SCAP: variants seen among roughly 807,000 people sequenced by gnomAD.
SCAP encodes the protein sterol regulatory element-binding protein cleavage-activating protein.
In SCAP, 65 loss-of-function variants were observed where a neutral mutation model predicts 123.6. That is an observed-to-expected ratio of 0.53 (90% CI 0.43 to 0.65). SCAP has a LOEUF of 0.65. SCAP is among the 30% of genes least tolerant of loss of function. The pLI, the probability that SCAP is intolerant of heterozygous loss-of-function variation, is 0.00. For synonymous variants in SCAP, 740 were observed against 726.3 expected (o/e 1.02, Z -0.30); for missense variants, 1,398 against 1,712.5 (o/e 0.82, Z 3.24).
At chr3:47,438,489 C>T (rs1219826741) in intron 2 of SCAP, among the ~76,000 whole-genome samples, 1 of 152,118 alleles carries the variant, frequency 6.6e-6, no homozygotes, top group Admixed American at 6.5e-5. Flanking sequence ...TATTCCTTTA[C>T]TTTTCTAATA....
intron 1 of SCAP, among the ~76,000 whole-genome samples, chr3:47,469,263 G>T (rs564926603): frequency 1.3e-5 from 2 of 152,158 alleles, no homozygotes; most frequent in Non-Finnish European, 2.9e-5. Flanking sequence ...CAGAAGAATC[G>T]CTTGAACCGG....
At position 47,417,152 on chromosome 3, in the gene SCAP, C is replaced by T; in HGVS notation, c.3026G>A (p.Gly1009Asp). The change falls in exon 18 of 23, where the codon GGC becomes GAC. Residue 1009 changes from glycine (G) to aspartate (D), a missense_variant. By Grantham distance (94) the Gly-to-Asp change is moderately conservative. Coordinates refer to ENST00000265565, the MANE Select transcript of SCAP (RefSeq NM_012235.4). ...LCCSSEEVSSGITALVFLDKR... is the reference protein window; with the variant it reads ...LCCSSEEVSSDITALVFLDKR... ...GTCCAAGAACACCAGAGCGGTAATG[C>T]CTGAGGAGACCTCCTCGCTGCTGCA... 1 of 1,613,082 alleles carries T rather than the reference C, an allele frequency of 6.2e-7. No individual in the cohort carries two copies. Among genetic ancestry groups the T allele is most frequent in the Non-Finnish European group, 8.5e-7 (1 of 1,180,016 alleles).
chr3:47,470,627 C>A (rs1707991863), intron 1 of SCAP, among the ~76,000 whole-genome samples: 1 of 152,212 alleles, frequency 6.6e-6, no homozygotes, highest in African/African-American at 2.4e-5. Flanking sequence ...CTTTGGGAGG[C>A]CGAGGCAGGC....
intron 1 of SCAP, 142 bp from the exon 2 acceptor site, chr3:47,443,233 TACACACACACACACACAC>T (rs60723433): frequency 1.3e-4 from 14 of 104,808 alleles, no homozygotes; most frequent in African/African-American, 5.1e-4. Flanking sequence ...AATCCCAAAA[TACACACACACACACACAC>T]ACACACACAC....
At position 47,449,944 on chromosome 3, in the gene SCAP, A is replaced by T. The variant is rs890769369; in HGVS notation, c.-98-6853T>A. ...ATCTTTATCACATCAGAACTCTTAA[A>T]TTTTTTTAATGTGATAATCTTCCTA... On this transcript the variant is annotated intron_variant, in intron 1 of 22. Transcript: ENST00000265565. 9.6e-5 allele frequency among the ~76,000 whole-genome samples: 12 copies of T among 124,768 alleles called. 3 individuals are homozygous for T. The highest frequency in any genetic ancestry group is 3.3e-4 in the African/African-American group (12 of 36,548). The allele number at this position is 124,768 out of a possible 152,430, so 81.9% of individuals were successfully genotyped here. A position where few individuals can be genotyped will look rare whatever the true frequency, so the allele number is the denominator to read the frequency against.
At chr3:47,443,462 C>T (rs77852723) in intron 1 of SCAP, among the ~76,000 whole-genome samples, 9 of 152,052 alleles carry the variant, frequency 5.9e-5, no homozygotes, top group East Asian at 3.9e-4. Flanking sequence ...TTCTTCCCCC[C>T]CCTCCTCTAT....
intron 3 of SCAP, among the ~76,000 whole-genome samples, chr3:47,432,314 G>GAAAAAAAAAAAA (rs11308011): frequency 2.6e-5 from 2 of 75,702 alleles, no homozygotes; most frequent in African/African-American, 1.0e-4. Flanking sequence ...ACTCCGTCTT[G>GAAAAAAAAAAAA]AAAAAAAAAA....
chr3:47,418,626 T>TTTCCCCCCCC, intron 14 of SCAP, 29 bp downstream of exon 14: 1 of 1,459,576 alleles, frequency 6.9e-7, no homozygotes, highest in Non-Finnish European at 9.5e-7. Context: ...CCGCACTCTT[T>TTTCCCCCCCC]CCCACCCCAC....
chr3:47,469,801 G>T, intron 1 of SCAP: 3 of 565,048 alleles, frequency 5.3e-6, no homozygotes, highest in South Asian at 2.9e-5. Context: ...ACAAGGAAGA[G>T]ACTTGCAAGG....
intron 2 of SCAP, among the ~76,000 whole-genome samples, chr3:47,441,557 T>C (rs1706806224): frequency 6.6e-6 from 1 of 152,130 alleles, no homozygotes; most frequent in Non-Finnish European, 1.5e-5. Context: ...GCACTCCAAA[T>C]TCATCACTTA....
At chr3:47,430,207 T>C (rs1360866592) in intron 3 of SCAP, among the ~76,000 whole-genome samples, 4 of 152,114 alleles carry the variant, frequency 2.6e-5, no homozygotes, top group Non-Finnish European at 4.4e-5. Flanking sequence ...GCTCAGGCAT[T>C]GTGCCTGCCT....
intron 1 of SCAP, among the ~76,000 whole-genome samples, chr3:47,473,875 G>C (rs1708163514): frequency 6.6e-6 from 1 of 152,128 alleles, no homozygotes; most frequent in South Asian, 2.1e-4. Context: ...TAATGACAGT[G>C]ACTGAGGGAA....
rs1383374126 is a variant in SCAP at position 47,418,220 on chromosome 3, C to T, written c.2361G>A (p.Met787Ile). The T allele has an allele frequency of 1.9e-5, 30 of 1,570,792 alleles. No individual in the cohort carries two copies. Among genetic ancestry groups the T allele is most frequent in the Non-Finnish European group, 2.5e-5 (29 of 1,158,598 alleles). Reference protein sequence around the residue: ...MDIECLASDGMLLVSCCLAGH... With the variant: ...MDIECLASDGILLVSCCLAGH... ...CTGCCAGGCAGCAGCTCACCAGCAG[C>T]ATGCCGTCGCTGGCCAGGCACTCGA... The change falls in exon 16 of 23, where the codon ATG becomes ATA. Residue 787 changes from methionine (M) to isoleucine (I), a missense_variant. By Grantham distance (10) the Met-to-Ile change is conservative. Transcript: ENST00000265565.
At chr3:47,424,141 G>T in intron 8 of SCAP, 96 bp from the exon 9 acceptor site, 1 of 880,592 alleles carries the variant, frequency 1.1e-6, no homozygotes, top group Non-Finnish European at 1.8e-6. Flanking sequence ...GCCTGTCATG[G>T]GGGCTGCTGA....
At chr3:47,423,287 G>A (rs994364800) in intron 9 of SCAP, among the ~76,000 whole-genome samples, 10 of 152,244 alleles carry the variant, frequency 6.6e-5, no homozygotes, top group African/African-American at 2.2e-4. Flanking sequence ...CAGGGCCAGA[G>A]GGAGCTTTTC....
chr3:47,447,620 G>A (rs947290480), intron 1 of SCAP, among the ~76,000 whole-genome samples: 3 of 151,706 alleles, frequency 2.0e-5, no homozygotes, highest in South Asian at 2.1e-4. Context: ...CCCGGGAGGC[G>A]GAGGCCACAG....
intron 17 of SCAP, 30 bp downstream of exon 17, chr3:47,417,274 G>GCTCTGCCCACGTTTAGCCC: frequency 6.2e-7 from 1 of 1,611,630 alleles, no homozygotes; most frequent in Non-Finnish European, 8.5e-7. Context: ...GCGGACAGCC[G>GCTCTGCCCACGTTTAGCCC]CTCTGCCCAC....
At chr3:47,442,501 C>T (rs577124107) in intron 2 of SCAP, among the ~76,000 whole-genome samples, 43 of 152,272 alleles carry the variant, frequency 2.8e-4, no homozygotes, top group Non-Finnish European at 5.3e-4. Context: ...GACTTTGCCT[C>T]GCAACACACA....
At chr3:47,476,924 C>G (rs1259832221), upstream of SCAP, 1 of 153,852 alleles carries the variant, frequency 6.5e-6, no homozygotes, top group Non-Finnish European at 1.5e-5. Flanking sequence ...ACACCCGCAC[C>G]CACCCCAGGG....
Sources: allele counts gnomAD v4.1 joint callset (sites outside exome capture counted in the v4.1 genomes callset), GRCh38; gene constraint gnomAD v4.1.1; transcripts MANE v1.5; gene names NCBI Gene and HGNC (gene_info 2026-07-23, HGNC 2026-07-21).